Variants in COL16A1 observed in about 807,000 individuals in gnomAD.
COL16A1 encodes collagen alpha-1(XVI) chain.
Under a neutral mutation model 266.3 loss-of-function variants are expected in COL16A1, and 189 were observed. The ratio of observed to expected loss-of-function variants is 0.71; its 90% CI spans 0.63 to 0.80. COL16A1 has a LOEUF of 0.80. COL16A1 is among the 30% of genes least tolerant of loss of function. The pLI, the probability that COL16A1 is intolerant of heterozygous loss-of-function variation, is 0.00. For missense variants in COL16A1, 1,928 were observed against 2,122.4 expected (o/e 0.91, Z 1.80); for synonymous variants, 740 against 782.3 (o/e 0.95, Z 0.90).
chr1:31,662,712 T>G, intron 56 of COL16A1, 54 bp from the exon 57 acceptor site: 1 of 1,335,060 alleles, frequency 7.5e-7, no homozygotes, highest in Non-Finnish European at 9.8e-7. Context: ...CAGCAGGGCT[T>G]TGCCCCACCC....
At chr1:31,682,910 G>A in intron 37 of COL16A1, 24 bp downstream of exon 37, 1 of 1,613,664 alleles carries the variant, frequency 6.2e-7, no homozygotes, top group Non-Finnish European at 8.5e-7. Flanking sequence ...AACACCACCA[G>A]CATGGAGCAC....
At position 31,658,508 on chromosome 1, in the gene COL16A1, G is replaced by A. The variant is rs763522147; in HGVS notation, c.4000C>T (p.Pro1334Ser). 27 of 1,604,170 alleles carry A rather than the reference G, an allele frequency of 1.7e-5. No individual in the cohort carries two copies. Among genetic ancestry groups the A allele is most frequent in the Non-Finnish European group, 2.0e-5 (24 of 1,176,466 alleles). The stretch of plus-strand genomic sequence containing the variant: ...CTTACTGGGGGGCCAGGGTGTCCAG[G>A]GGGGCCGGGCTGGCCTGGGAGGCCT... ...LAGLPGQPGP[P>S]GHPGPPGEPG... Residue 1334 changes from proline to serine, a missense_variant, in exon 64 of 71, where the codon CCT (proline) becomes TCT (serine). This residue lies in a region of COL16A1 where 376 missense variants were observed against 485.2 expected (regional missense o/e 0.77). Transcript: ENST00000373672.
Position 31,655,406 on chromosome 1 carries a change from C to G in COL16A1, c.4198G>C (p.Val1400Leu). 7 of 1,614,148 alleles carry G rather than the reference C, an allele frequency of 4.3e-6. No individual in the cohort carries two copies. Among genetic ancestry groups the G allele is most frequent in the Non-Finnish European group, 5.9e-6 (7 of 1,180,022 alleles). The change falls in exon 67 of 71, where the codon GTT becomes CTT. Residue 1400 changes from valine (V) to leucine (L), a missense_variant. Physicochemically the swap from Val to Leu is conservative, Grantham distance 32 (BLOSUM62 1). Around this residue, in one of 2 missense-constraint regions of COL16A1, gnomAD observed 376 missense variants for 485.2 expected, o/e 0.77. Transcript: ENST00000373672. ...TCTCCTGCAGGGCCCGGTGGCCCAACAGGCCCCATGGAACCACTCTTGCCA... is the reference window on the plus strand; with the variant it reads ...TCTCCTGCAGGGCCCGGTGGCCCAAGAGGCCCCATGGAACCACTCTTGCCA... ...GPGKSGSMGPVGPPGPAGERG... is the reference protein window; with the variant it reads ...GPGKSGSMGPLGPPGPAGERG...
At chr1:31,667,677 G>A (rs181105129) in intron 51 of COL16A1, 49 bp from the exon 52 acceptor site, 87 of 1,518,044 alleles carry the variant, frequency 5.7e-5, no homozygotes, top group East Asian at 4.2e-4. Flanking sequence ...GAATTAGTCC[G>A]TCACGGCACT....
rs1300433905 is a variant in COL16A1, at chr1:31,684,667, C to T, written c.2053-37G>A. ...GGGGTTCAAGGAAAGCAAGGATGGCCCAGCCGGGGGCAGGTTGCCCCCCTG... is the reference window on the plus strand; with the variant it reads ...GGGGTTCAAGGAAAGCAAGGATGGCTCAGCCGGGGGCAGGTTGCCCCCCTG... On this transcript the variant is annotated intron_variant, in intron 30 of 70. Transcript: ENST00000373672. The T allele has an allele frequency of 2.5e-6, 4 of 1,609,858 alleles. No individual in the cohort carries two copies. The East Asian group carries it at 8.9e-5, about 36-fold the overall frequency.
chr1:31,670,346 G>C lies in COL16A1; in HGVS notation c.3195+256C>G. On this transcript the variant is annotated intron_variant, in intron 49 of 70. Coordinates refer to ENST00000373672, the MANE Select transcript of COL16A1 (RefSeq NM_001856.4). This position sits in a 1 kb window ranked among gnomAD's most constrained non-coding sequence, Gnocchi z 4.5. ...GTGCGAGAAATGGAGAAGGAAGACA[G>C]AACGGGGTAAGAGAGAGAAGAGGAG... is the stretch of plus-strand genomic sequence containing the variant. 7.3e-6 allele frequency: 3 copies of C among 410,432 alleles called. No individual in the cohort carries two copies. The allele number at this position is 410,432 out of a possible 1,614,324, so 25.4% of individuals were successfully genotyped here.
Position 31,680,082 on chromosome 1 carries a change from G to A in COL16A1, c.2630C>T (p.Ser877Phe). Residue 877 changes from serine (S) to phenylalanine (F), a missense_variant, in exon 40 of 71, where the codon TCC (serine) becomes TTC (phenylalanine). Coordinates refer to ENST00000373672, the MANE Select transcript of COL16A1 (RefSeq NM_001856.4). ...RGEKGEPGEC[S>F]CPSQGDLIFS... ...GATGAGGTCTCCTTGAGAGGGGCAG[G>A]AGCACTCCCCTGGCTCACCCTGAAA... 6.2e-7 allele frequency: 1 copy of A among 1,613,850 alleles called. No homozygotes were observed.
At chr1:31,684,732 G>A in intron 30 of COL16A1, 89 bp downstream of exon 30, 1 of 1,610,218 alleles carries the variant, frequency 6.2e-7, no homozygotes, top group Admixed American at 1.7e-5. Flanking sequence ...GGGGCTGAGG[G>A]TTGGGGGCTA....
At chr1:31,662,474 C>A (rs1641761291) in intron 57 of COL16A1, 87 bp from the exon 58 acceptor site, 9 of 1,561,982 alleles carry the variant, frequency 5.8e-6, no homozygotes, top group African/African-American at 1.4e-5. Context: ...ATTCTCTCCA[C>A]CCCTCCCCTG....
rs373053106 is a variant in COL16A1 at position 31,684,136 on chromosome 1, G to A, written c.2256C>T (p.Pro752=). 4.9e-5 allele frequency: 76 copies of A among 1,560,436 alleles called. No homozygotes were observed. Among genetic ancestry groups the A allele is most frequent in the African/African-American group, 1.4e-4 (10 of 73,908 alleles). ...GQPGPKGEQG[P]EGVGRPGKPG... ...GTTTACCAGGTCGGCCCACGCCTTC[G>A]GGGCCCTGCTCTCCTTTGGGGCCGG... Residue 752 remains proline (P), a synonymous_variant, in exon 32 of 71, where the codon CCC becomes CCT. Transcript: ENST00000373672.
chr1:31,678,949 C>T (rs1474356439), intron 42 of COL16A1, among the ~76,000 whole-genome samples: 1 of 152,188 alleles, frequency 6.6e-6, no homozygotes, highest in East Asian at 1.9e-4. Context: ...TGCAATTCCC[C>T]AAACACATCC....
At chr1:31,662,289 A>G in intron 58 of COL16A1, 45 bp downstream of exon 58, 1 of 1,594,482 alleles carries the variant, frequency 6.3e-7, no homozygotes, top group East Asian at 2.3e-5. Flanking sequence ...TCCTCTGGCA[A>G]AAAGGAGAGG....
In COL16A1 at chr1:31,688,552, C is replaced by T. The variant is rs1644103947; in HGVS notation, c.1768-50G>A. On this transcript the variant is annotated intron_variant, in intron 25 of 70. Coordinates refer to ENST00000373672, the MANE Select transcript of COL16A1 (RefSeq NM_001856.4). This position sits in a 1 kb window ranked among gnomAD's most constrained non-coding sequence, Gnocchi z 4.9. The stretch of plus-strand genomic sequence containing the variant: ...TCAGCATCTCCCCACTCCCACCTCT[C>T]CAAGGCTCCCCGGGTCCCAGTGTCC... The T allele has an allele frequency of 6.2e-7, 1 of 1,612,502 alleles. No individual in the cohort carries two copies. The highest frequency in any genetic ancestry group is 8.5e-7 in the Non-Finnish European group (1 of 1,178,684).
At chr1:31,701,666 G>A in intron 2 of COL16A1, 1 of 708,764 alleles carries the variant, frequency 1.4e-6, no homozygotes, top group Admixed American at 6.3e-5. Context: ...GAGCTAGAGG[G>A]ATGGAGTCTC....
intron 31 of COL16A1, 110 bp downstream of exon 31, chr1:31,684,413 T>C (rs916279778): frequency 1.3e-6 from 2 of 1,518,352 alleles, no homozygotes; most frequent in Middle Eastern, 2.5e-4. Context: ...TCAGTGACTC[T>C]GACAGCCGTT....
chr1:31,695,687 G>A, intron 10 of COL16A1, 74 bp downstream of exon 10: 2 of 1,432,698 alleles, frequency 1.4e-6, no homozygotes, highest in Admixed American at 1.7e-5. Context: ...CTATGCTGAG[G>A]ATCCGTGCCC....
chr1:31,686,069 C>T (rs1462222792), intron 28 of COL16A1, 22 bp downstream of exon 28: 16 of 1,613,334 alleles, frequency 9.9e-6, no homozygotes, highest in African/African-American at 1.3e-5. Flanking sequence ...GGCTGCAGCA[C>T]GGAGAATGTC....
chr1:31,675,452 AT>A, intron 42 of COL16A1, 141 bp from the exon 43 acceptor site: 1 of 1,293,860 alleles, frequency 7.7e-7, no homozygotes, highest in East Asian at 2.5e-5. Flanking sequence ...GCTGACATCT[AT>A]TCTTAGCTCA....
At chr1:31,702,015 C>G in intron 2 of COL16A1, 106 bp downstream of exon 2, 1 of 1,565,126 alleles carries the variant, frequency 6.4e-7, no homozygotes, top group South Asian at 1.1e-5. Context: ...TCTGCTATAA[C>G]TGCCCACACG....
Sources: gnomAD v4.1 joint callset for allele counts (sites outside exome capture counted in the v4.1 genomes callset) on GRCh38, gnomAD v4.1.1 for gene constraint, gnomAD v4.1.1 regional missense constraint, Gnocchi (gnomAD v3.1) non-coding constraint, MANE v1.5 for transcripts, NCBI Gene and HGNC (gene_info 2026-07-23, HGNC 2026-07-21) for gene names.